MAP3K20: variants seen among roughly 807,000 people sequenced by gnomAD.
MAP3K20 encodes the protein mitogen-activated protein kinase kinase kinase 20.
A neutral mutation model predicts 85.7 loss-of-function variants in MAP3K20; 40 were observed. The ratio of observed to expected loss-of-function variants is 0.47; its 90% CI spans 0.36 to 0.61. The LOEUF (loss-of-function observed/expected upper bound fraction) is 0.61. Ranked by LOEUF, MAP3K20 falls within the 20% of genes least tolerant of loss-of-function variation. The pLI is 0.00. For synonymous variants in MAP3K20, 325 were observed against 327.7 expected (o/e 0.99, Z 0.09); for missense variants, 817 against 961.7 (o/e 0.85, Z 1.99).
intron 2 of MAP3K20, among the ~76,000 whole-genome samples, chr2:173,094,761 C>A (rs1180984882): frequency 6.6e-6 from 1 of 152,054 alleles, no homozygotes; most frequent in African/African-American, 2.4e-5. Flanking sequence ...TAATGGGTGT[C>A]TTGTGATGTT....
chr2:173,265,230 A>G (rs1574172203), intron 19 of MAP3K20, among the ~76,000 whole-genome samples: 1 of 152,246 alleles, frequency 6.6e-6, no homozygotes, highest in African/African-American at 2.4e-5. Context: ...GGAGTAGCTG[A>G]GGAAGCTGAG....
chr2:173,126,099 T>C (rs1257553564), intron 2 of MAP3K20, among the ~76,000 whole-genome samples: 1 of 152,214 alleles, frequency 6.6e-6, no homozygotes, highest in Non-Finnish European at 1.5e-5. Flanking sequence ...TTAAATTTCT[T>C]TATGGGACTA....
intron 7 of MAP3K20, among the ~76,000 whole-genome samples, chr2:173,193,716 T>TGC (rs1422860059): frequency 6.6e-6 from 1 of 152,222 alleles, no homozygotes; most frequent in Admixed American, 6.5e-5. Flanking sequence ...TTTCTGGAGC[T>TGC]GCACATTTTC....
At chr2:173,226,469 T>C in intron 11 of MAP3K20, 1 of 985,708 alleles carries the variant, frequency 1.0e-6, no homozygotes, top group Non-Finnish European at 1.2e-6. Context: ...GTTTTCCTGT[T>C]TAAGTGTTAA....
At chr2:173,244,607 G>A (rs150329768) in intron 16 of MAP3K20, among the ~76,000 whole-genome samples, 3 of 152,142 alleles carry the variant, frequency 2.0e-5, no homozygotes, top group Non-Finnish European at 4.4e-5. Flanking sequence ...ATATGTGCTA[G>A]ATCTCACACC....
At chr2:173,186,446 GTTAAC>G (rs1690487454) in intron 4 of MAP3K20, among the ~76,000 whole-genome samples, 1 of 152,076 alleles carries the variant, frequency 6.6e-6, no homozygotes, top group African/African-American at 2.4e-5. Context: ...TAATACTTGT[GTTAAC>G]TTGACTCTTC....
chr2:173,103,449 G>A (rs1047748273), intron 2 of MAP3K20, among the ~76,000 whole-genome samples: 1 of 152,132 alleles, frequency 6.6e-6, no homozygotes, highest in Non-Finnish European at 1.5e-5. Context: ...AAATGGACTT[G>A]GGAGTATGAA....
At chr2:173,248,424 GAGAA>G (rs1488173065) in intron 16 of MAP3K20, among the ~76,000 whole-genome samples, 1 of 152,340 alleles carries the variant, frequency 6.6e-6, no homozygotes, top group Admixed American at 6.5e-5. Flanking sequence ...TTTTAAAAAT[GAGAA>G]AGAAACACAA....
intron 2 of MAP3K20, among the ~76,000 whole-genome samples, chr2:173,124,866 T>C (rs752202560): frequency 2.3e-4 from 35 of 152,296 alleles, no homozygotes; most frequent in Admixed American, 8.5e-4. Flanking sequence ...CTCACACTTG[T>C]AATTCCAGCA....
At chr2:173,181,441 T>C (rs1485720318) in intron 3 of MAP3K20, among the ~76,000 whole-genome samples, 1 of 151,954 alleles carries the variant, frequency 6.6e-6, no homozygotes, top group Non-Finnish European at 1.5e-5. Context: ...CTGGCAGGAA[T>C]ATAAAATGGT....
chr2:173,237,868 T>A (rs1048220186), intron 14 of MAP3K20, among the ~76,000 whole-genome samples: 19 of 152,324 alleles, frequency 1.2e-4, no homozygotes, highest in African/African-American at 4.6e-4. Context: ...AGTCTGAGGT[T>A]CAACATCTTT....
chr2:173,090,991 T>A lies in MAP3K20; in HGVS notation c.-34-7T>A. The A allele has an allele frequency of 6.4e-7, 1 of 1,567,440 alleles. No individual in the cohort carries two copies. The highest frequency in any genetic ancestry group is 8.6e-7 in the Non-Finnish European group (1 of 1,158,628). ...AATTCAGCTTTTCTTTTTCTTTCTT[T>A]CTGCAGATTTTGTGGAAGTATAATA... On this transcript the variant is annotated splice_region_variant and splice_polypyrimidine_tract_variant and intron_variant, in intron 1 of 19. Transcript: ENST00000375213.
At chr2:173,078,337 C>A (rs1214516992) in intron 1 of MAP3K20, among the ~76,000 whole-genome samples, 1 of 152,150 alleles carries the variant, frequency 6.6e-6, no homozygotes, top group East Asian at 1.9e-4. Flanking sequence ...TTTTATTCTA[C>A]CCAGGACAGA....
intron 11 of MAP3K20, chr2:173,224,011 G>A (rs1346980223): frequency 2.0e-6 from 2 of 984,686 alleles, no homozygotes; most frequent in Non-Finnish European, 2.4e-6. Context: ...CTCTGTGCCA[G>A]ACACTGTTCT....
At chr2:173,088,226 C>T (rs1420495072) in intron 1 of MAP3K20, among the ~76,000 whole-genome samples, 4 of 152,110 alleles carry the variant, frequency 2.6e-5, no homozygotes, top group African/African-American at 7.2e-5. Flanking sequence ...AGAATCCAAA[C>T]GTTATCCAAG....
intron 2 of MAP3K20, among the ~76,000 whole-genome samples, chr2:173,141,733 G>C (rs1257545407): frequency 6.6e-6 from 1 of 151,772 alleles, no homozygotes; most frequent in Non-Finnish European, 1.5e-5. Context: ...ACCCCAAGCA[G>C]GATAAATTAA....
Position 173,258,819 on chromosome 2 carries a change from G to A in MAP3K20, c.1476+4G>A, listed in dbSNP as rs1685221713. 1.9e-6 allele frequency: 3 copies of A among 1,569,298 alleles called. No individual in the cohort carries two copies. The highest frequency in any genetic ancestry group is 2.6e-6 in the Non-Finnish European group (3 of 1,140,482). On this transcript the variant is annotated splice_donor_region_variant and intron_variant, in intron 17 of 19. Coordinates refer to ENST00000375213, the MANE Select transcript of MAP3K20 (RefSeq NM_016653.3). ...GGAGATTTTAAAGATGACAAAGGTA[G>A]GGTTCTATTTACGGCTTAAAAGCTC... is the stretch of plus-strand genomic sequence containing the variant.
At chr2:173,144,482 A>G (rs1166574322) in intron 2 of MAP3K20, among the ~76,000 whole-genome samples, 9 of 137,170 alleles carry the variant, frequency 6.6e-5, no homozygotes, top group East Asian at 2.0e-4. Flanking sequence ...AAAAAAAAAA[A>G]AAAGAAAAGA....
intron 2 of MAP3K20, among the ~76,000 whole-genome samples, chr2:173,128,479 C>T (rs970519249): frequency 3.4e-4 from 51 of 151,888 alleles, no homozygotes; most frequent in South Asian, 8.3e-4. Context: ...ACTACAGGCG[C>T]GCACCACCAG....
Sources: allele counts gnomAD v4.1 joint callset (sites outside exome capture counted in the v4.1 genomes callset), GRCh38; gene constraint gnomAD v4.1.1; transcripts MANE v1.5; gene names NCBI Gene and HGNC (gene_info 2026-07-23, HGNC 2026-07-21).